Variants in CMPK2 observed in about 807,000 individuals in gnomAD.
CMPK2 encodes cytidine/uridine monophosphate kinase 2.
A neutral mutation model predicts 33.4 loss-of-function variants in CMPK2; 32 were observed. The ratio of observed to expected loss-of-function variants is 0.96; its 90% CI spans 0.72 to 1.29. The LOEUF (loss-of-function observed/expected upper bound fraction) is 1.29, where lower values mean the gene tolerates loss of function less well. Ranked by LOEUF, CMPK2 falls within the 50% of genes most tolerant of loss-of-function variation. The pLI, the probability that CMPK2 is intolerant of heterozygous loss-of-function variation, is 0.00. For missense variants in CMPK2, 672 were observed against 616.0 expected, an observed-to-expected ratio of 1.09 and a Z score of -0.96; for synonymous variants, 299 against 275.3, an observed-to-expected ratio of 1.09 and a Z score of -0.85.
At chr2:6,862,629 C>T (rs543157960) in intron 2 of CMPK2, among the ~76,000 whole-genome samples, 19 of 152,314 alleles carry the variant, frequency 1.2e-4, no homozygotes, top group African/African-American at 3.4e-4. Context: ...GTCCTGGACA[C>T]GGCCAGTACA....
chr2:6,857,005 C>T (rs192729891), intron 3 of CMPK2, among the ~76,000 whole-genome samples: 1 of 152,234 alleles, frequency 6.6e-6, no homozygotes, highest in South Asian at 2.1e-4. Context: ...AGCAATCTTC[C>T]ACTTTGCTAC....
rs1325914656 is a variant in CMPK2 at position 6,861,383 on chromosome 2, T to C, written c.793A>G (p.Lys265Glu). The change falls in exon 3 of 5, where the codon AAA becomes GAA. Residue 265 changes from lysine to glutamate, a missense_variant and splice_region_variant. Physicochemically the swap from Lys to Glu is moderately conservative, Grantham distance 56. Transcript: ENST00000256722. ...GCCACTGACTGGGTCACCGTGGTTT[T>C]ACCTGCAGGTCATACACAAAATATA... ...VAIEGLDATG[K>E]TTVTQSVADS... is the part of the protein sequence containing the mutation. 4 of 1,613,498 alleles carry C rather than the reference T, an allele frequency of 2.5e-6. No individual in the cohort carries two copies. The African/African-American group carries it at 5.3e-5, about 22-fold the overall frequency.
rs1662518837 is a variant in CMPK2, at chr2:6,851,434, G to A, written c.1226+16C>T. ...GAATGCCTGCCGCTCACATTGCATT[G>A]CACTGGGACACCTACTTTTGACGAA... On this transcript the variant is annotated intron_variant, in intron 4 of 4. Transcript: ENST00000256722. 3 of 1,614,006 alleles carry A rather than the reference G, an allele frequency of 1.9e-6. No individual in the cohort carries two copies. The highest frequency in any genetic ancestry group is 1.1e-5 in the South Asian group (1 of 91,046).
chr2:6,847,295 G>C (rs150319505), downstream of CMPK2, among the ~76,000 whole-genome samples: 74 of 152,276 alleles, frequency 4.9e-4, no homozygotes, highest in African/African-American at 1.7e-3. Context: ...GGCAAGGAAA[G>C]TGCCCACTGG....
At chr2:6,863,648 G>T in intron 1 of CMPK2, 70 bp from the exon 2 acceptor site, 1 of 1,121,440 alleles carries the variant, frequency 8.9e-7, no homozygotes, top group Non-Finnish European at 1.3e-6. Context: ...CTAAATTGCT[G>T]AGCACAATAT....
chr2:6,846,517 T>C (rs1662365972), downstream of CMPK2, among the ~76,000 whole-genome samples: 1 of 152,226 alleles, frequency 6.6e-6, no homozygotes, highest in South Asian at 2.1e-4. Flanking sequence ...CGCAAGATTA[T>C]ATCCCTAGGT....
rs1291620525 is a variant in CMPK2, at chr2:6,853,317, C to T, written c.993-1634G>A. 1.2e-4 allele frequency among the ~76,000 whole-genome samples: 19 copies of T among 152,148 alleles called. 1 individual carries two copies. Among genetic ancestry groups the T allele is most frequent in the Admixed American group, 1.2e-3 (19 of 15,266 alleles). Reference sequence around the variant, plus strand: ...ACTCCTCTCCACAGTGAAAAGTACACAGTGGTATCCACATAATAAATTCCC... The same window carrying T: ...ACTCCTCTCCACAGTGAAAAGTACATAGTGGTATCCACATAATAAATTCCC... On this transcript the variant is annotated intron_variant, in intron 3 of 4. Transcript: ENST00000256722.
chr2:6,863,202 G>A (rs1193695553), intron 2 of CMPK2, among the ~76,000 whole-genome samples: 5 of 152,036 alleles, frequency 3.3e-5, no homozygotes, highest in Non-Finnish European at 5.9e-5. Context: ...CACTCCACCC[G>A]ACAAAGCCCC....
downstream of CMPK2, among the ~76,000 whole-genome samples, chr2:6,846,689 C>A (rs1381675827): frequency 1.3e-5 from 2 of 152,186 alleles, no homozygotes; most frequent in African/African-American, 4.8e-5. Context: ...TCAGATAACA[C>A]TGAGGGGGTA....
upstream of CMPK2, chr2:6,865,953 G>C (rs1182424822): frequency 8.0e-7 from 1 of 1,250,982 alleles, no homozygotes. Flanking sequence ...TGGCCCCGGG[G>C]CCCCAGGTGC....
At position 6,849,317 on chromosome 2, in the gene CMPK2, G is replaced by T. The variant is rs1439752046; in HGVS notation, c.*533C>A. 16 of 985,608 alleles carry T rather than the reference G, an allele frequency of 1.6e-5. No homozygotes were observed. Among genetic ancestry groups the T allele is most frequent in the Non-Finnish European group, 1.8e-5 (15 of 830,210 alleles). The allele number at this position is 985,608 out of a possible 1,614,324, so 61.1% of individuals were successfully genotyped here. ...TGCAGGAGTGTCCTTGGGCAGCCAG[G>T]ACACATAGACAGCCTCTGCAGGAAC... On this transcript the variant is annotated 3_prime_UTR_variant, in exon 5 of 5. Transcript: ENST00000256722.
chr2:6,862,147 C>G (rs995937768), intron 2 of CMPK2: 1 of 152,242 alleles, frequency 6.6e-6, no homozygotes, highest in Non-Finnish European at 1.5e-5. Context: ...ACACACTTAA[C>G]ACTTTATTGC....
intron 3 of CMPK2, among the ~76,000 whole-genome samples, chr2:6,841,972 G>A (rs1572128582): frequency 6.6e-6 from 1 of 152,140 alleles, no homozygotes. Context: ...TATGTTAACT[G>A]CCTTAGCTTT....
intron 2 of CMPK2, among the ~76,000 whole-genome samples, chr2:6,862,848 C>T (rs573622053): frequency 2.0e-5 from 3 of 152,328 alleles, no homozygotes; most frequent in East Asian, 1.9e-4. Flanking sequence ...CTGAACCACT[C>T]GGATGCTAGT....
rs1177343001 is a variant in CMPK2, at chr2:6,865,669, C to A, written c.28G>T (p.Gly10Trp). Residue 10 changes from glycine (G) to tryptophan (W), a missense_variant, in exon 1 of 5, where the codon GGG (glycine) becomes TGG (tryptophan). Coordinates refer to ENST00000256722, the MANE Select transcript of CMPK2 (RefSeq NM_207315.4). Reference protein sequence around the residue: MAFARRLLRGPLSGPLLGRR... With the variant: MAFARRLLRWPLSGPLLGRR... ...CCGAGCAGCGGCCCCGACAGTGGCC[C>A]GCGCAGGAGCCGGCGGGCGAAGGCC... The A allele has an allele frequency of 1.1e-5, 14 of 1,307,426 alleles. No individual in the cohort carries two copies. Among genetic ancestry groups the A allele is most frequent in the Non-Finnish European group, 1.4e-5 (14 of 1,036,140 alleles). The allele number at this position is 1,307,426 out of a possible 1,614,324, so 81.0% of individuals were successfully genotyped here. A position where few individuals can be genotyped will look rare whatever the true frequency, so the allele number is the denominator to read the frequency against.
intron 3 of CMPK2, among the ~76,000 whole-genome samples, chr2:6,840,917 C>T (rs1158792722): frequency 1.3e-5 from 2 of 152,010 alleles, no homozygotes; most frequent in Non-Finnish European, 2.9e-5. Context: ...CCCCTTCAAC[C>T]CCAAATTTGA....
Position 6,865,304 on chromosome 2 carries a change from G to T in CMPK2, c.393C>A (p.Phe131Leu), listed in dbSNP as rs767449302. 17 of 1,522,056 alleles carry T rather than the reference G, an allele frequency of 1.1e-5. 1 individual carries two copies. The South Asian group carries it at 1.3e-4, about 12-fold the overall frequency. 94.3% of individuals were successfully genotyped at this position (1,522,056 alleles called of 1,614,324 possible). ...GGQAGGAQQG[F>L]LLRDPLDDPD... ...GGTCATCCAGGGGGTCGCGCAGCAGGAAGCCTTGCTGTGCGCCGCCGGCCT... is the reference window on the plus strand; with the variant it reads ...GGTCATCCAGGGGGTCGCGCAGCAGTAAGCCTTGCTGTGCGCCGCCGGCCT... Residue 131 changes from phenylalanine to leucine, a missense_variant, in exon 1 of 5, where the codon TTC (phenylalanine) becomes TTA (leucine). Phe to Leu is a conservative substitution (Grantham distance 22). Transcript: ENST00000256722.
rs561637349 is a variant in CMPK2 at position 6,854,684 on chromosome 2, G to A, written c.993-3001C>T. On this transcript the variant is annotated intron_variant, in intron 3 of 4. Transcript: ENST00000256722. ...TTAGTATTCTCCACTCCTGCTATCA[G>A]GGAAGCCACATTAGTTCAAATCAAA... Among the ~76,000 whole-genome samples, 60 of 152,256 alleles carry A rather than the reference G, an allele frequency of 3.9e-4. 1 individual carries two copies. The South Asian group carries it at 0.011, about 29-fold the overall frequency.
At chr2:6,854,275 G>A (rs1416827042) in intron 3 of CMPK2, among the ~76,000 whole-genome samples, 1 of 152,026 alleles carries the variant, frequency 6.6e-6, no homozygotes, top group African/African-American at 2.4e-5. Flanking sequence ...CTTCTTTATT[G>A]TAGAAAAGTC....
Sources: allele counts gnomAD v4.1 joint callset (sites outside exome capture counted in the v4.1 genomes callset), GRCh38; gene constraint gnomAD v4.1.1; transcripts MANE v1.5; gene names NCBI Gene and HGNC (gene_info 2026-07-23, HGNC 2026-07-21).